DNAH6: variants seen among roughly 807,000 people sequenced by gnomAD.
DNAH6 encodes dynein axonemal heavy chain 6, also known as axonemal beta dynein heavy chain 6.
Under a neutral mutation model 491.4 loss-of-function variants are expected in DNAH6, and 340 were observed. The ratio of observed to expected loss-of-function variants is 0.69; its 90% CI spans 0.63 to 0.76. DNAH6 has a LOEUF of 0.76. Ranked by LOEUF, DNAH6 falls within the 30% of genes least tolerant of loss-of-function variation. The probability of loss-of-function intolerance (pLI) is 0.00; values close to 1 mark genes in which losing one functional copy is unlikely to be tolerated. For synonymous variants in DNAH6, 1,603 were observed against 1,686.1 expected (o/e 0.95, Z 1.21); for missense variants, 4,443 against 4,972.2 (o/e 0.89, Z 3.20).
At chr2:84,793,597 A>G (rs1678004005) in intron 68 of DNAH6, among the ~76,000 whole-genome samples, 1 of 152,200 alleles carries the variant, frequency 6.6e-6, no homozygotes, top group South Asian at 2.1e-4. Flanking sequence ...AGATGGACCC[A>G]CGACAGAGAT....
In DNAH6 at chr2:84,703,691, G is replaced by GT. The variant is rs11424668; in HGVS notation, c.8229+142dup. 202,899 of 655,026 alleles carry GT rather than the reference G, an allele frequency of 0.31. 4,709 individuals are homozygous for GT. The highest frequency in any genetic ancestry group is 0.34 in the Middle Eastern group (689 of 2,008). 40.6% of individuals were successfully genotyped at this position (655,026 alleles called of 1,614,324 possible). A position where few individuals can be genotyped will look rare whatever the true frequency, so the allele number is the denominator to read the frequency against. On this transcript the variant is annotated intron_variant, in intron 50 of 76. Transcript: ENST00000389394. ...ATAATTAAGTGATAGATTTAGCAAAGTTTTTTTTTTTTTAGCAATTTAGCA... is the reference window on the plus strand; with the variant it reads ...ATAATTAAGTGATAGATTTAGCAAAGTTTTTTTTTTTTTTAGCAATTTAGCA...
intron 2 of DNAH6, among the ~76,000 whole-genome samples, chr2:84,524,115 G>C (rs929274531): frequency 6.6e-6 from 1 of 151,994 alleles, no homozygotes; most frequent in African/African-American, 2.4e-5. Flanking sequence ...CTTGCTTTGT[G>C]AATCTGGGTG....
At chr2:84,635,530 A>G (rs1688801441) in intron 30 of DNAH6, among the ~76,000 whole-genome samples, 1 of 152,204 alleles carries the variant, frequency 6.6e-6, no homozygotes. Context: ...AGCATAGTCT[A>G]TATTGTGCAA....
chr2:84,776,744 G>A (rs1435824511), intron 64 of DNAH6, among the ~76,000 whole-genome samples: 4 of 152,170 alleles, frequency 2.6e-5, no homozygotes, highest in African/African-American at 7.2e-5. Flanking sequence ...CCATTACTGG[G>A]TATATACCCA....
chr2:84,787,365 A>G (rs990053179), intron 68 of DNAH6, 63 bp downstream of exon 68: 76 of 1,348,996 alleles, frequency 5.6e-5, no homozygotes, highest in Middle Eastern at 1.8e-4. Context: ...GTTTACTCCC[A>G]CCTGGCCCTT....
intron 2 of DNAH6, among the ~76,000 whole-genome samples, chr2:84,521,587 AG>A (rs1438392006): frequency 1.3e-5 from 2 of 152,076 alleles, no homozygotes; most frequent in Non-Finnish European, 2.9e-5. Flanking sequence ...GTTGTCTTCC[AG>A]GGGTTTTATA....
the DNAH6 span, among the ~76,000 whole-genome samples, chr2:84,471,634 A>G: frequency 0.011 from 1,684 of 152,304 alleles, 29 homozygotes; most frequent in African/African-American, 0.039. Flanking sequence ...GGGTAACCCC[A>G]TCCATGGTTG....
In DNAH6 at chr2:84,517,879, A is replaced by T. The variant is rs78906097; in HGVS notation, c.53A>T (p.Tyr18Phe). ...SEFDLTNIEE[Y>F]AENSALSRLN... ...TTTGACCTGACAAATATTGAAGAGT[A>T]TGCCGAAAATTCTGCACTTTCAAGA... The change falls in exon 2 of 77, where the codon TAT becomes TTT. Residue 18 changes from tyrosine to phenylalanine, a missense_variant. By Grantham distance (22) the Tyr-to-Phe change is conservative. This residue lies in a region of DNAH6 where 2,977 missense variants were observed against 3,296.6 expected (regional missense o/e 0.90). Coordinates refer to ENST00000389394, the MANE Select transcript of DNAH6 (RefSeq NM_001370.2). The T allele has an allele frequency of 3.2e-6, 5 of 1,551,814 alleles. No individual in the cohort carries two copies. The highest frequency in any genetic ancestry group is 3.3e-4 in the Middle Eastern group (2 of 5,988).
chr2:84,508,074 G>T, the DNAH6 span, among the ~76,000 whole-genome samples: 2 of 152,288 alleles, frequency 1.3e-5, no homozygotes, highest in East Asian at 3.9e-4. Flanking sequence ...GGATGATACT[G>T]GCCTCATAAA....
chr2:84,573,512 A>C lies in DNAH6; in HGVS notation c.1849A>C (p.Thr617Pro). ...AFESARIYAA[T>P]FEKFQIFFKE... ...TGAATCAGCCCGCATCTATGCAGCT[A>C]CCTTTGAAAAGTTCCAGATATTCTT... Residue 617 changes from threonine (T) to proline (P), a missense_variant, in exon 12 of 77, where the codon ACC becomes CCC. Thr to Pro is a conservative substitution (Grantham distance 38). Around this residue, in one of 3 missense-constraint regions of DNAH6, gnomAD observed 2,977 missense variants for 3,296.6 expected, o/e 0.90. Coordinates refer to ENST00000389394, the MANE Select transcript of DNAH6 (RefSeq NM_001370.2). The C allele has an allele frequency of 6.3e-7, 1 of 1,591,484 alleles. No individual in the cohort carries two copies. Among genetic ancestry groups the C allele is most frequent in the Non-Finnish European group, 8.5e-7 (1 of 1,172,948 alleles).
intron 24 of DNAH6, among the ~76,000 whole-genome samples, chr2:84,620,524 G>A (rs1687290032): frequency 6.6e-6 from 1 of 152,128 alleles, no homozygotes; most frequent in East Asian, 1.9e-4. Flanking sequence ...TATGATGGAA[G>A]GGAGAGTATC....
At chr2:84,712,513 A>T (rs1697140998) in intron 56 of DNAH6, among the ~76,000 whole-genome samples, 1 of 152,236 alleles carries the variant, frequency 6.6e-6, no homozygotes, top group Non-Finnish European at 1.5e-5. Context: ...AGGGGTTCAT[A>T]GACTTTTTCT....
At chr2:84,558,664 GC>G (rs1419809471) in intron 11 of DNAH6, among the ~76,000 whole-genome samples, 1 of 152,074 alleles carries the variant, frequency 6.6e-6, no homozygotes, top group Admixed American at 6.6e-5. Flanking sequence ...TTGGGCCATA[GC>G]CACTCAAATG....
intron 76 of DNAH6, 38 bp downstream of exon 76, chr2:84,816,121 A>G (rs1014501244): frequency 2.7e-6 from 4 of 1,466,488 alleles, no homozygotes; most frequent in Admixed American, 4.1e-5. Flanking sequence ...ATAATGACCA[A>G]ATGCAATCTT....
the DNAH6 span, among the ~76,000 whole-genome samples, chr2:84,500,861 T>G: frequency 2.6e-5 from 4 of 152,242 alleles, no homozygotes; most frequent in Non-Finnish European, 4.4e-5. Flanking sequence ...TACTGATTTT[T>G]GTATGTTGAT....
intron 10 of DNAH6, among the ~76,000 whole-genome samples, chr2:84,553,362 TTCTTTTCTTTCTTTC>T (rs1349882618): frequency 0.087 from 1,512 of 17,326 alleles, 26 homozygotes; most frequent in Non-Finnish European, 0.1. Context: ...TTCTTTTCTT[TTCTTTTCTTTCTTTC>T]TTTCTTTCTT....
chr2:84,624,323 T>C lies in DNAH6; in HGVS notation c.4130T>C (p.Ile1377Thr). 1 of 1,551,352 alleles carries C rather than the reference T, an allele frequency of 6.4e-7. No homozygotes were observed. The change falls in exon 27 of 77, where the codon ATC becomes ACC. Residue 1377 changes from isoleucine to threonine, a missense_variant. This residue lies in a region of DNAH6 where 2,977 missense variants were observed against 3,296.6 expected (regional missense o/e 0.90). Transcript: ENST00000389394. The stretch of plus-strand genomic sequence containing the variant: ...AGTCTTCCTAAATTACACAGAAACA[T>C]CCTAACTGCATTGATTACTATTGAT... Reference protein sequence around the residue: ...QGSLPKLHRNILTALITIDVH... With the variant: ...QGSLPKLHRNTLTALITIDVH...
the DNAH6 span, chr2:84,460,195 T>G: frequency 6.6e-6 from 1 of 152,340 alleles, no homozygotes; most frequent in South Asian, 2.1e-4. Context: ...AGGTAGTCAT[T>G]ATAATTGGCA....
In DNAH6 at chr2:84,762,771, C is replaced by T. The variant is rs1446340618; in HGVS notation, c.10529C>T (p.Thr3510Ile). 6.5e-7 allele frequency: 1 copy of T among 1,549,316 alleles called. No homozygotes were observed. Among genetic ancestry groups the T allele is most frequent in the Non-Finnish European group, 8.7e-7 (1 of 1,146,064 alleles). The change falls in exon 64 of 77, where the codon ACA (threonine) becomes ATA (isoleucine). Residue 3510 changes from threonine (T) to isoleucine (I), a missense_variant. Transcript: ENST00000389394. ...AACTTTCAGGTGGTTTTTGCTCTTA[C>T]AGACTTTGTGATAGAAAATCTTGGA... ...CKEEKVVFAL[T>I]DFVIENLGKQ...
Sources: allele counts gnomAD v4.1 joint callset (sites outside exome capture counted in the v4.1 genomes callset), GRCh38; gene constraint gnomAD v4.1.1; regional missense constraint gnomAD v4.1.1; transcripts MANE v1.5; gene names NCBI Gene and HGNC (gene_info 2026-07-23, HGNC 2026-07-21).